Variants in GRAMD2B observed in about 807,000 individuals in gnomAD.
GRAMD2B encodes the protein GRAM domain containing 2B.
Under a neutral mutation model 59.2 loss-of-function variants are expected in GRAMD2B, and 41 were observed. That is an observed-to-expected ratio of 0.69 (90% CI 0.54 to 0.90). The LOEUF (loss-of-function observed/expected upper bound fraction) is 0.90, where lower values mean the gene tolerates loss of function less well. Ranked by LOEUF, GRAMD2B falls within the 40% of genes least tolerant of loss-of-function variation. GRAMD2B has a pLI of 0.00. For missense variants in GRAMD2B, 424 were observed against 500.5 expected (o/e 0.85, Z 1.46); for synonymous variants, 161 against 182.7 (o/e 0.88, Z 0.96).
At chr5:126,407,625 A>G (rs557754767) in intron 1 of GRAMD2B, among the ~76,000 whole-genome samples, 1 of 152,138 alleles carries the variant, frequency 6.6e-6, no homozygotes, top group South Asian at 2.1e-4. Context: ...TTCAGCATAA[A>G]TAGGGTTCAA....
chr5:126,382,783 C>T (rs748640796), intron 1 of GRAMD2B, among the ~76,000 whole-genome samples: 4 of 151,938 alleles, frequency 2.6e-5, no homozygotes, highest in Admixed American at 1.3e-4. Flanking sequence ...GTCATATTAC[C>T]GGAATTGTTT....
Position 126,445,230 on chromosome 5 carries a change from G to A in GRAMD2B, c.84-20196G>A, listed in dbSNP as rs896115722. Among the ~76,000 whole-genome samples, 4 of 152,064 alleles carry A rather than the reference G, an allele frequency of 2.6e-5. No individual in the cohort carries two copies. The East Asian group carries it at 7.7e-4, about 29-fold the overall frequency. On this transcript the variant is annotated intron_variant, in intron 1 of 13. Coordinates refer to ENST00000285689, the MANE Select transcript of GRAMD2B (RefSeq NM_023927.4). ...ACATACCCAGTAATGGGATTACTGG[G>A]TCAAATGGTATTTTTGCCTCTGGGT...
rs972249843 is a variant in GRAMD2B at position 126,423,701 on chromosome 5, C to T, written c.83+12C>T. 14 of 1,597,302 alleles carry T rather than the reference C, an allele frequency of 8.8e-6. No individual in the cohort carries two copies. Among genetic ancestry groups the T allele is most frequent in the Admixed American group, 8.7e-5 (5 of 57,350 alleles). On this transcript the variant is annotated intron_variant, in intron 1 of 13. Transcript: ENST00000285689. The stretch of plus-strand genomic sequence containing the variant: ...CTTGGCTCAGCCCAGTGAGTATTCT[C>T]AGCTGGGACCCATCCAAGGAGGTGG...
At chr5:126,459,613 A>G (rs6595709) in intron 1 of GRAMD2B, among the ~76,000 whole-genome samples, 148,730 of 152,308 alleles carry the variant, frequency 0.98, 72,704 homozygotes, top group East Asian at 1. Context: ...TAAATATATG[A>G]AAATACACTC....
intron 1 of GRAMD2B, among the ~76,000 whole-genome samples, chr5:126,377,697 T>C (rs1755321135): frequency 6.6e-6 from 1 of 152,210 alleles, no homozygotes; most frequent in South Asian, 2.1e-4. Context: ...GGTATTAGAA[T>C]GGCTTCCAGG....
chr5:126,476,057 G>A (rs886769303), intron 5 of GRAMD2B, among the ~76,000 whole-genome samples: 14 of 151,596 alleles, frequency 9.2e-5, no homozygotes, highest in African/African-American at 7.3e-5. Context: ...GCGGTGAGCC[G>A]AGATCGTGCC....
At chr5:126,450,343 T>C (rs1765114315) in intron 1 of GRAMD2B, among the ~76,000 whole-genome samples, 1 of 152,144 alleles carries the variant, frequency 6.6e-6, no homozygotes. Flanking sequence ...AGGTAAAAAA[T>C]TCTCTTCTGA....
At chr5:126,440,228 A>T (rs1267127005) in intron 1 of GRAMD2B, among the ~76,000 whole-genome samples, 1 of 152,250 alleles carries the variant, frequency 6.6e-6, no homozygotes, top group East Asian at 1.9e-4. Flanking sequence ...ACTAAAGGGG[A>T]AAACTTGAAT....
At position 126,423,664 on chromosome 5, in the gene GRAMD2B, A is replaced by C. The variant is rs760461797; in HGVS notation, c.58A>C (p.Arg20=). 1.1e-5 allele frequency: 17 copies of C among 1,608,944 alleles called. No individual in the cohort carries two copies. The Admixed American group carries it at 2.9e-4, about 27-fold the overall frequency. Residue 20 remains arginine, a synonymous_variant, in exon 1 of 14, where the codon AGG becomes CGG. Transcript: ENST00000285689. The stretch of plus-strand genomic sequence containing the variant: ...AAAGCCTGCGAAAGTGCTCGGGAAG[A>C]GGGAGAGCAAACTTGGCTCAGCCCA... ...DTKPAKVLGK[R]ESKLGSAHSE...
At chr5:126,424,529 C>T (rs971610694) in intron 1 of GRAMD2B, among the ~76,000 whole-genome samples, 3 of 152,180 alleles carry the variant, frequency 2.0e-5, no homozygotes, top group African/African-American at 7.2e-5. Flanking sequence ...AATTTTTGTG[C>T]TTAGAAACCC....
chr5:126,474,793 TAGAA>T (rs1705384933), intron 5 of GRAMD2B, among the ~76,000 whole-genome samples: 1 of 152,212 alleles, frequency 6.6e-6, no homozygotes, highest in Admixed American at 6.5e-5. Context: ...AAAAAGAAGT[TAGAA>T]GGAGTGACCC....
chr5:126,375,037 A>G (rs1257370336), intron 1 of GRAMD2B, among the ~76,000 whole-genome samples: 4 of 152,376 alleles, frequency 2.6e-5, no homozygotes, highest in Non-Finnish European at 4.4e-5. Context: ...ATACCAATTC[A>G]TAAACATGGT....
chr5:126,377,046 C>T (rs755980910), intron 1 of GRAMD2B, among the ~76,000 whole-genome samples: 2 of 150,796 alleles, frequency 1.3e-5, no homozygotes, highest in Non-Finnish European at 3.0e-5. Context: ...TTGCAAGGAG[C>T]GAAAGGACCT....
chr5:126,388,491 G>A (rs555529048), intron 1 of GRAMD2B, among the ~76,000 whole-genome samples: 36 of 152,018 alleles, frequency 2.4e-4, no homozygotes, highest in African/African-American at 8.4e-4. Flanking sequence ...TTACTAACAT[G>A]TAGTTTAACA....
intron 1 of GRAMD2B, among the ~76,000 whole-genome samples, chr5:126,440,440 T>C (rs1233932704): frequency 1.3e-5 from 2 of 152,158 alleles, no homozygotes; most frequent in African/African-American, 4.8e-5. Flanking sequence ...TAGCTTATCA[T>C]GATGAAGCTA....
upstream of GRAMD2B, chr5:126,423,292 C>T (rs1759955654): frequency 2.5e-6 from 3 of 1,199,362 alleles, no homozygotes; most frequent in Non-Finnish European, 3.1e-6. Context: ...TCCCGAAAGA[C>T]TCGTTCAACA....
At chr5:126,483,634 AC>A (rs1772300112) in intron 9 of GRAMD2B, 60 bp downstream of exon 9, 1 of 735,488 alleles carries the variant, frequency 1.4e-6, no homozygotes, top group South Asian at 2.1e-5. Context: ...TCCTCACCCC[AC>A]CCCCTTAAAA....
At chr5:126,409,419 T>C (rs4377702) in intron 1 of GRAMD2B, among the ~76,000 whole-genome samples, 115,769 of 152,098 alleles carry the variant, frequency 0.76, 45,073 homozygotes, top group Non-Finnish European at 0.84. Flanking sequence ...GGTTTTGATT[T>C]GCATTTCTCT....
In GRAMD2B at chr5:126,423,452, C is replaced by T; in HGVS notation, c.-155C>T. The T allele has an allele frequency of 7.0e-7, 1 of 1,419,854 alleles. No homozygotes were observed. The highest frequency in any genetic ancestry group is 9.1e-7 in the Non-Finnish European group (1 of 1,092,930). The allele number at this position is 1,419,854 out of a possible 1,614,324, so 88.0% of individuals were successfully genotyped here. A position where few individuals can be genotyped will look rare whatever the true frequency, so the allele number is the denominator to read the frequency against. On this transcript the variant is annotated 5_prime_UTR_variant, in exon 1 of 14. Coordinates refer to ENST00000285689, the MANE Select transcript of GRAMD2B (RefSeq NM_023927.4). The stretch of plus-strand genomic sequence containing the variant: ...GTGTCCAGGTCCGCGGCCCCGGGAG[C>T]TTGGCGCGGCCCGGCCTGGATGCGC...
Sources: gnomAD v4.1 joint callset for allele counts (sites outside exome capture counted in the v4.1 genomes callset) on GRCh38, gnomAD v4.1.1 for gene constraint, MANE v1.5 for transcripts, NCBI Gene and HGNC (gene_info 2026-07-23, HGNC 2026-07-21) for gene names.